KHDRBS2: variants seen among roughly 807,000 people sequenced by gnomAD.
KHDRBS2 encodes KH domain-containing, RNA-binding, signal transduction-associated protein 2.
Under a neutral mutation model 44.3 loss-of-function variants are expected in KHDRBS2, and 26 were observed. The observed-to-expected ratio is 0.59, with a 90% CI of 0.43 to 0.81. The LOEUF (loss-of-function observed/expected upper bound fraction) is 0.81. KHDRBS2 is among the 40% of genes least tolerant of loss of function. The probability of loss-of-function intolerance (pLI) is 0.00; values close to 1 mark genes in which losing one functional copy is unlikely to be tolerated. For missense variants in KHDRBS2, 476 were observed against 433.1 expected (o/e 1.10, Z -0.88); for synonymous variants, 194 against 151.1 (o/e 1.28, Z -2.08).
At chr6:61,986,816 T>A (rs1341762426) in intron 3 of KHDRBS2, among the ~76,000 whole-genome samples, 1 of 152,124 alleles carries the variant, frequency 6.6e-6, no homozygotes, top group Non-Finnish European at 1.5e-5. Flanking sequence ...ACAAGGGTAC[T>A]AATCCCACCA....
chr6:62,050,809 T>TA (rs1029102123), intron 2 of KHDRBS2, among the ~76,000 whole-genome samples: 2 of 151,984 alleles, frequency 1.3e-5, no homozygotes, highest in African/African-American at 2.4e-5. Context: ...CCCAGGGAAT[T>TA]AAAAACATAT....
At chr6:62,152,408 T>A (rs190857378) in intron 2 of KHDRBS2, among the ~76,000 whole-genome samples, 216 of 152,328 alleles carry the variant, frequency 1.4e-3, no homozygotes, top group Non-Finnish European at 2.3e-3. Context: ...GCTAGCACAG[T>A]GTCTAACACT....
intron 2 of KHDRBS2, among the ~76,000 whole-genome samples, chr6:62,157,980 T>C (rs115416391): frequency 1.0e-3 from 155 of 152,336 alleles, no homozygotes; most frequent in Non-Finnish European, 1.6e-3. Flanking sequence ...ATTCCACAGA[T>C]ATTAAATGGA....
chr6:62,240,690 A>G lies in KHDRBS2; in HGVS notation c.91+45168T>C, dbSNP rs1162107658. Among the ~76,000 whole-genome samples the G allele has an allele frequency of 3.8e-3, 473 of 125,178 alleles. 3 individuals carry two copies. The highest frequency in any genetic ancestry group is 0.013 in the African/African-American group (422 of 31,746). The allele number at this position is 125,178 out of a possible 152,430, so 82.1% of individuals were successfully genotyped here. On this transcript the variant is annotated intron_variant, in intron 1 of 8. Transcript: ENST00000281156. ...TGTGTGTGTATATATATATATATAT[A>G]TATATATATATATATATATATATAT... is the stretch of plus-strand genomic sequence containing the variant.
chr6:61,912,196 A>T (rs1206102667), intron 4 of KHDRBS2, among the ~76,000 whole-genome samples: 1 of 152,218 alleles, frequency 6.6e-6, no homozygotes, highest in Non-Finnish European at 1.5e-5. Context: ...GAACTTGTAA[A>T]ATGTAATACA....
chr6:62,131,398 G>A (rs1373464014), intron 2 of KHDRBS2, among the ~76,000 whole-genome samples: 1 of 152,156 alleles, frequency 6.6e-6, no homozygotes, highest in Non-Finnish European at 1.5e-5. Context: ...TTACAGAAGG[G>A]CTACTTATGA....
At chr6:61,765,644 A>G (rs1938398) in intron 6 of KHDRBS2, among the ~76,000 whole-genome samples, 130,703 of 151,996 alleles carry the variant, frequency 0.86, 56,735 homozygotes, top group African/African-American at 0.96. Flanking sequence ...GGCCTTTATC[A>G]TGTTGAGGTA....
chr6:61,891,749 C>G (rs1174913652), intron 6 of KHDRBS2, among the ~76,000 whole-genome samples: 1 of 152,156 alleles, frequency 6.6e-6, no homozygotes, highest in Non-Finnish European at 1.5e-5. Context: ...TGGGATATAT[C>G]TCAAAATAAT....
At chr6:62,128,906 T>C (rs1282171754) in intron 2 of KHDRBS2, among the ~76,000 whole-genome samples, 1 of 152,100 alleles carries the variant, frequency 6.6e-6, no homozygotes, top group Non-Finnish European at 1.5e-5. Flanking sequence ...ATGATTATAA[T>C]TACTTTGTTT....
intron 3 of KHDRBS2, among the ~76,000 whole-genome samples, chr6:61,999,258 C>T (rs1388448121): frequency 6.6e-6 from 1 of 152,018 alleles, no homozygotes; most frequent in Non-Finnish European, 1.5e-5. Context: ...TATTTAAATG[C>T]TCAGAGAAAT....
intron 6 of KHDRBS2, among the ~76,000 whole-genome samples, chr6:61,737,351 A>AT (rs1417162695): frequency 1.3e-5 from 2 of 152,066 alleles, no homozygotes; most frequent in African/African-American, 4.8e-5. Flanking sequence ...AAATGGGCAT[A>AT]TTTTTCCAAT....
chr6:62,154,687 T>C (rs758008407), intron 2 of KHDRBS2, among the ~76,000 whole-genome samples: 3 of 152,102 alleles, frequency 2.0e-5, no homozygotes, highest in African/African-American at 4.8e-5. Flanking sequence ...GGAGCAAAAA[T>C]GATAAAACAA....
intron 4 of KHDRBS2, among the ~76,000 whole-genome samples, chr6:61,973,121 G>A (rs993011755): frequency 2.0e-5 from 3 of 152,194 alleles, no homozygotes; most frequent in Non-Finnish European, 2.9e-5. Flanking sequence ...GTGAGAGAGT[G>A]AGACTCTGTC....
chr6:61,620,716 G>A, the KHDRBS2 span, among the ~76,000 whole-genome samples: 2 of 152,152 alleles, frequency 1.3e-5, no homozygotes, highest in African/African-American at 4.8e-5. Context: ...TCACCTAGAG[G>A]CTACTATTAC....
chr6:62,061,938 T>A (rs1008724325), intron 2 of KHDRBS2, among the ~76,000 whole-genome samples: 2 of 151,882 alleles, frequency 1.3e-5, no homozygotes, highest in African/African-American at 4.8e-5. Flanking sequence ...CTTCCATCGC[T>A]GATACCCTTT....
At chr6:61,772,239 C>G (rs1781049983) in intron 6 of KHDRBS2, among the ~76,000 whole-genome samples, 1 of 152,084 alleles carries the variant, frequency 6.6e-6, no homozygotes, top group Non-Finnish European at 1.5e-5. Flanking sequence ...AATTGACACC[C>G]TAACATCACA....
chr6:61,657,874 G>A, the KHDRBS2 span, among the ~76,000 whole-genome samples: 3 of 151,928 alleles, frequency 2.0e-5, no homozygotes, highest in Admixed American at 1.3e-4. Flanking sequence ...GCTAATGATT[G>A]TGAGTCTTTG....
At chr6:62,256,083 C>G (rs1379385893) in intron 1 of KHDRBS2, among the ~76,000 whole-genome samples, 1 of 151,634 alleles carries the variant, frequency 6.6e-6, no homozygotes, top group African/African-American at 2.4e-5. Context: ...TGCAGTGAGC[C>G]AAGATCACAC....
rs1315326518 is a variant in KHDRBS2 at position 62,285,926 on chromosome 6, G to A, written c.23C>T (p.Pro8Leu). 1.2e-6 allele frequency: 2 copies of A among 1,612,744 alleles called. No homozygotes were observed. The highest frequency in any genetic ancestry group is 1.3e-5 in the African/African-American group (1 of 74,842). Reference protein sequence around the residue: MEEEKYLPELMAEKDSLD... With the variant: MEEEKYLLELMAEKDSLD... Reference sequence around the variant, plus strand: ...GCTATCTTTCTCTGCCATCAGCTCAGGCAAATATTTCTCCTCTTCCATAGC... The same window carrying A: ...GCTATCTTTCTCTGCCATCAGCTCAAGCAAATATTTCTCCTCTTCCATAGC... Residue 8 changes from proline to leucine, a missense_variant, in exon 1 of 9, where the codon CCT (proline) becomes CTT (leucine). By Grantham distance (98) the Pro-to-Leu change is moderately conservative. Coordinates refer to ENST00000281156, the MANE Select transcript of KHDRBS2 (RefSeq NM_152688.4).
Sources: gnomAD v4.1 joint callset for allele counts (sites outside exome capture counted in the v4.1 genomes callset) on GRCh38, gnomAD v4.1.1 for gene constraint, MANE v1.5 for transcripts, NCBI Gene and HGNC (gene_info 2026-07-23, HGNC 2026-07-21) for gene names.